The following ANTXR2 variants were observed in gnomAD, a reference collection of about 807,000 sequenced individuals.
ANTXR2 encodes ANTXR cell adhesion molecule 2.
In ANTXR2, 44 loss-of-function variants were observed where a neutral mutation model predicts 73.7. That is an observed-to-expected ratio of 0.60 (90% CI 0.47 to 0.77). The LOEUF is 0.77. ANTXR2 is among the 30% of genes least tolerant of loss of function. The pLI, the probability that ANTXR2 is intolerant of heterozygous loss-of-function variation, is 0.00. For synonymous variants in ANTXR2, 217 were observed against 205.9 expected, an observed-to-expected ratio of 1.05 and a Z score of -0.46; for missense variants, 604 against 592.5, an observed-to-expected ratio of 1.02 and a Z score of -0.20.
chr4:80,055,836 T>A (rs1329502379), intron 4 of ANTXR2, 96 bp downstream of exon 4: 1 of 901,944 alleles, frequency 1.1e-6, no homozygotes, highest in African/African-American at 1.8e-5. Flanking sequence ...TTAAGATAAA[T>A]ATGTAATGAG....
intron 1 of ANTXR2, 101 bp downstream of exon 1, chr4:80,072,308 C>G: frequency 7.4e-7 from 1 of 1,356,180 alleles, no homozygotes; most frequent in East Asian, 2.8e-5. Context: ...CGCGGGTTTC[C>G]AACACCACTC....
chr4:79,985,369 A>T (rs917644074), intron 12 of ANTXR2, among the ~76,000 whole-genome samples: 1 of 151,920 alleles, frequency 6.6e-6, no homozygotes, highest in Non-Finnish European at 1.5e-5. Flanking sequence ...AGAAAAAGAA[A>T]AAGAAAGAAA....
chr4:79,996,906 A>C (rs1423496963), intron 12 of ANTXR2, among the ~76,000 whole-genome samples: 3 of 151,926 alleles, frequency 2.0e-5, no homozygotes, highest in African/African-American at 7.2e-5. Context: ...TGTATTGAAG[A>C]TTCTGGAAAA....
chr4:79,911,568 T>C (rs910143613), intron 16 of ANTXR2, among the ~76,000 whole-genome samples: 4 of 151,874 alleles, frequency 2.6e-5, no homozygotes, highest in African/African-American at 7.2e-5. Context: ...AATAAACCAT[T>C]CTAACATTTT....
intron 3 of ANTXR2, among the ~76,000 whole-genome samples, chr4:80,063,480 C>CAT (rs138574986): frequency 0.04 from 6,129 of 151,414 alleles, 133 homozygotes; most frequent in Middle Eastern, 0.11. Flanking sequence ...AATCAAACCA[C>CAT]ATATATATAT....
intron 3 of ANTXR2, among the ~76,000 whole-genome samples, chr4:80,065,215 C>G (rs1393314529): frequency 6.6e-6 from 1 of 152,116 alleles, no homozygotes; most frequent in Non-Finnish European, 1.5e-5. Context: ...ATTCACTATC[C>G]CCAATTATGC....
At chr4:79,933,258 C>G (rs946667722) in intron 16 of ANTXR2, among the ~76,000 whole-genome samples, 11 of 152,142 alleles carry the variant, frequency 7.2e-5, no homozygotes, top group African/African-American at 2.7e-4. Context: ...TGTATGGATT[C>G]AACTAAGTTT....
chr4:80,030,393 T>A (rs1339791156), intron 10 of ANTXR2, among the ~76,000 whole-genome samples: 1 of 152,104 alleles, frequency 6.6e-6, no homozygotes, highest in Admixed American at 6.6e-5. Context: ...TCATGGCTAA[T>A]ACAGACACGA....
At chr4:79,997,278 T>C (rs896773907) in intron 12 of ANTXR2, among the ~76,000 whole-genome samples, 3 of 151,758 alleles carry the variant, frequency 2.0e-5, no homozygotes, top group Non-Finnish European at 4.4e-5. Context: ...AAAAAGATAT[T>C]GTACAATGAC....
rs1246580039 is a variant in ANTXR2 at position 79,905,736 on chromosome 4, C to A, written c.*1693G>T. ...AGGCCTCTTGGAACAGTGCCACAAA[C>A]CTGGACACCAACCAACAGAATACTC... On this transcript the variant is annotated 3_prime_UTR_variant, in exon 17 of 17. Coordinates refer to ENST00000403729, the MANE Select transcript of ANTXR2 (RefSeq NM_058172.6). The A allele has an allele frequency of 1.3e-5, 2 of 152,358 alleles. No homozygotes were observed. The highest frequency in any genetic ancestry group is 2.9e-5 in the Non-Finnish European group (2 of 68,030). The allele number at this position is 152,358 out of a possible 1,614,324, so 9.4% of individuals were successfully genotyped here. A position where few individuals can be genotyped will look rare whatever the true frequency, so the allele number is the denominator to read the frequency against.
At chr4:80,053,223 T>C (rs1477786451) in intron 7 of ANTXR2, among the ~76,000 whole-genome samples, 1 of 151,644 alleles carries the variant, frequency 6.6e-6, no homozygotes. Context: ...TATTTACTAT[T>C]TTTACACTGC....
intron 3 of ANTXR2, among the ~76,000 whole-genome samples, chr4:80,057,271 C>A (rs181157206): frequency 6.6e-6 from 1 of 152,036 alleles, no homozygotes; most frequent in East Asian, 1.9e-4. Context: ...CCATACACAA[C>A]ATTTATATAG....
chr4:79,934,547 A>C (rs369843939), intron 16 of ANTXR2, among the ~76,000 whole-genome samples: 14,449 of 151,664 alleles, frequency 0.095, 2,236 homozygotes, highest in African/African-American at 0.33. Flanking sequence ...AACAACAAAA[A>C]AAAAAAAACA....
At chr4:79,912,721 A>C (rs1441624580) in intron 16 of ANTXR2, among the ~76,000 whole-genome samples, 1 of 152,110 alleles carries the variant, frequency 6.6e-6, no homozygotes, top group African/African-American at 2.4e-5. Context: ...AATATTTACT[A>C]TAGGATTTTT....
intron 16 of ANTXR2, among the ~76,000 whole-genome samples, chr4:79,958,371 A>T (rs1369541739): frequency 5.9e-5 from 9 of 152,122 alleles, no homozygotes; most frequent in Admixed American, 5.9e-4. Context: ...TCCTTCCTAA[A>T]CTTCTTATCT....
intron 14 of ANTXR2, 140 bp downstream of exon 14, chr4:79,983,738 T>A (rs1578129638): frequency 1.4e-6 from 1 of 701,980 alleles, no homozygotes; most frequent in Non-Finnish European, 2.4e-6. Flanking sequence ...GAAAAAAAAA[T>A]GTATCCAGAA....
rs1733757466 is a variant in ANTXR2 at position 80,051,189 on chromosome 4, A to G, written c.636+3083T>C. Among the ~76,000 whole-genome samples the G allele has an allele frequency of 4.0e-5, 6 of 151,858 alleles. No homozygotes were observed. The South Asian group carries it at 1.2e-3, about 31-fold the overall frequency. ...TTATGTCACCTTACACTATAGGCAT[A>G]TTGGCATTTAACACCAATTGCGTTA... On this transcript the variant is annotated intron_variant, in intron 7 of 16. Coordinates refer to ENST00000403729, the MANE Select transcript of ANTXR2 (RefSeq NM_058172.6).
intron 10 of ANTXR2, among the ~76,000 whole-genome samples, chr4:80,026,094 T>C (rs564534558): frequency 2.0e-5 from 3 of 152,258 alleles, no homozygotes; most frequent in African/African-American, 7.2e-5. Flanking sequence ...AGAGTCTTAG[T>C]GATATGGTTT....
chr4:79,928,819 A>T (rs1560870846), intron 16 of ANTXR2, among the ~76,000 whole-genome samples: 1 of 152,214 alleles, frequency 6.6e-6, no homozygotes, highest in African/African-American at 2.4e-5. Context: ...AAAACCAATT[A>T]GGGCATGTAC....
Sources: gnomAD v4.1 joint callset for allele counts (sites outside exome capture counted in the v4.1 genomes callset) on GRCh38, gnomAD v4.1.1 for gene constraint, MANE v1.5 for transcripts, NCBI Gene and HGNC (gene_info 2026-07-23, HGNC 2026-07-21) for gene names.